HIPK2: variants seen among roughly 807,000 people sequenced by gnomAD.
HIPK2 encodes the protein homeodomain-interacting protein kinase 2.
A neutral mutation model predicts 113.7 loss-of-function variants in HIPK2; 27 were observed. The ratio of observed to expected loss-of-function variants is 0.24; its 90% confidence interval spans 0.17 to 0.33. HIPK2 has a LOEUF of 0.33. Among genes scored for constraint, HIPK2 ranks in the 10% least tolerant of loss-of-function variants. The pLI is 1.00. For synonymous variants in HIPK2, 631 were observed against 642.2 expected (o/e 0.98, Z 0.26); for missense variants, 1,257 against 1,588.0 (o/e 0.79, Z 3.54).
chr7:139,739,189 T>C (rs1250348519), intron 1 of HIPK2, among the ~76,000 whole-genome samples: 3 of 152,192 alleles, frequency 2.0e-5, no homozygotes, highest in Non-Finnish European at 4.4e-5. Flanking sequence ...GCCTCTCTAT[T>C]TGCTGGGACC....
intron 1 of HIPK2, among the ~76,000 whole-genome samples, chr7:139,717,289 G>C (rs1795277375): frequency 6.6e-6 from 1 of 152,146 alleles, no homozygotes; most frequent in Non-Finnish European, 1.5e-5. Flanking sequence ...TCAGGACATA[G>C]GTCACCATTT....
chr7:139,774,980 A>G (rs1483997431), intron 1 of HIPK2, among the ~76,000 whole-genome samples: 1 of 152,246 alleles, frequency 6.6e-6, no homozygotes, highest in Non-Finnish European at 1.5e-5. Context: ...CCTTGTTTCA[A>G]AAACAGCATT....
chr7:139,684,460 TA>T lies in HIPK2; in HGVS notation c.1103+31471del, dbSNP rs1297552409. 3.9e-5 allele frequency among the ~76,000 whole-genome samples: 6 copies of T among 152,214 alleles called. No homozygotes were observed. The East Asian group carries it at 1.2e-3, about 29-fold the overall frequency. On this transcript the variant is annotated intron_variant, in intron 2 of 14. Coordinates refer to ENST00000406875, the MANE Select transcript of HIPK2 (RefSeq NM_022740.5). ...GGCTGGTTGTGGTGGCTCATGCCTG[TA>T]ATCCCAGCACTTTGGGAGGCTAAGG... is the stretch of plus-strand genomic sequence containing the variant.
chr7:139,583,698 TGCAGTCACTGG>T lies in HIPK2; in HGVS notation c.2965+108_2965+118del, dbSNP rs1440821423. 4.2e-6 allele frequency: 6 copies of T among 1,436,894 alleles called. No homozygotes were observed. The Admixed American group carries it at 1.3e-4, about 32-fold the overall frequency. The allele number at this position is 1,436,894 out of a possible 1,614,324, so 89.0% of individuals were successfully genotyped here. Reference sequence around the variant, plus strand: ...AATAAAATCCTCGGTAAGGGTCGCCTGCAGTCACTGGGCACTTTCTATTGTACTAGCTCCCA... The same window carrying T: ...AATAAAATCCTCGGTAAGGGTCGCCTGCACTTTCTATTGTACTAGCTCCCA... On this transcript the variant is annotated intron_variant, in intron 13 of 14. Coordinates refer to ENST00000406875, the MANE Select transcript of HIPK2 (RefSeq NM_022740.5).
rs141155055 is a variant in HIPK2 at position 139,588,120 on chromosome 7, C to A, written c.2718-4056G>T. 4.0e-3 allele frequency among the ~76,000 whole-genome samples: 611 copies of A among 151,970 alleles called. 3 individuals carry two copies. Among genetic ancestry groups the A allele is most frequent in the African/African-American group, 0.014 (575 of 41,412 alleles). ...ATCACTTGAGGTCAGGAGTTCGACA[C>A]CAGCCTGGCCAACATTGCAAAACCC... On this transcript the variant is annotated intron_variant, in intron 12 of 14. Transcript: ENST00000406875.
At chr7:139,672,411 A>C (rs1237403827) in intron 2 of HIPK2, among the ~76,000 whole-genome samples, 1 of 152,252 alleles carries the variant, frequency 6.6e-6, no homozygotes, top group Non-Finnish European at 1.5e-5. Flanking sequence ...TTGTAAAAAA[A>C]ATGGTCAGTT....
intron 1 of HIPK2, among the ~76,000 whole-genome samples, chr7:139,751,586 G>A (rs1053747948): frequency 7.1e-6 from 1 of 141,234 alleles, no homozygotes; most frequent in East Asian, 2.0e-4. Context: ...ATGGTTGGAT[G>A]GATAGATGGA....
intron 9 of HIPK2, among the ~76,000 whole-genome samples, chr7:139,611,642 A>G (rs1458633772): frequency 1.3e-5 from 2 of 152,140 alleles, no homozygotes; most frequent in African/African-American, 4.8e-5. Context: ...CCTGGGCTCA[A>G]GTGATCCTTT....
chr7:139,614,241 C>T lies in HIPK2; in HGVS notation c.1990+45G>A, dbSNP rs376846687. 170 of 1,354,424 alleles carry T rather than the reference C, an allele frequency of 1.3e-4. No homozygotes were observed. In the African/African-American group the frequency reaches 1.4e-3, roughly 11 times the overall value. The allele number at this position is 1,354,424 out of a possible 1,614,324, so 83.9% of individuals were successfully genotyped here. ...CTGCAGGTGCCGGAGCCCCAGAGGC[C>T]GTTCTGTAAGAAGCAGGTGAGAGGC... On this transcript the variant is annotated intron_variant, in intron 8 of 14. Transcript: ENST00000406875.
intron 12 of HIPK2, among the ~76,000 whole-genome samples, chr7:139,589,457 C>A (rs886381389): frequency 3.3e-5 from 5 of 150,756 alleles, no homozygotes; most frequent in Non-Finnish European, 4.4e-5. Flanking sequence ...TTTGGCAAAA[C>A]TGTAATCTGC....
At chr7:139,628,754 A>G (rs1320119212) in intron 5 of HIPK2, among the ~76,000 whole-genome samples, 199 bp downstream of exon 5, 1 of 152,142 alleles carries the variant, frequency 6.6e-6, no homozygotes, top group African/African-American at 2.4e-5. Flanking sequence ...ATTTTAAAGG[A>G]GCTGGTATGA....
chr7:139,629,802 T>C (rs554104505), intron 4 of HIPK2, among the ~76,000 whole-genome samples: 2 of 152,316 alleles, frequency 1.3e-5, no homozygotes, highest in African/African-American at 4.8e-5. Context: ...CAGCTGGACA[T>C]GTGGGACTGA....
In HIPK2 at chr7:139,570,704, T is replaced by G. The variant is rs368326854; in HGVS notation, c.*2223A>C. 2.6e-5 allele frequency: 4 copies of G among 152,462 alleles called. No homozygotes were observed. Among genetic ancestry groups the G allele is most frequent in the South Asian group, 2.1e-4 (1 of 4,816 alleles). The allele number at this position is 152,462 out of a possible 1,614,324, so 9.4% of individuals were successfully genotyped here. On this transcript the variant is annotated 3_prime_UTR_variant, in exon 15 of 15. Coordinates refer to ENST00000406875, the MANE Select transcript of HIPK2 (RefSeq NM_022740.5). ...CAAACACACCTTTCACAGTAGATCCTTGAGGGAGACTGCACAGTGAGGAAG... is the reference window on the plus strand; with the variant it reads ...CAAACACACCTTTCACAGTAGATCCGTGAGGGAGACTGCACAGTGAGGAAG...
At chr7:139,617,125 C>A (rs1246160807) in intron 7 of HIPK2, among the ~76,000 whole-genome samples, 1 of 152,196 alleles carries the variant, frequency 6.6e-6, no homozygotes, top group Non-Finnish European at 1.5e-5. Flanking sequence ...TTCTGTATAT[C>A]CTCCTTTAGC....
chr7:139,645,417 A>G (rs1458539254), intron 2 of HIPK2, among the ~76,000 whole-genome samples: 1 of 152,232 alleles, frequency 6.6e-6, no homozygotes, highest in Non-Finnish European at 1.5e-5. Context: ...AATGTCAAAC[A>G]CAAGTTAGAG....
chr7:139,711,393 A>G (rs1795065037), intron 2 of HIPK2, among the ~76,000 whole-genome samples: 3 of 152,016 alleles, frequency 2.0e-5, no homozygotes, highest in Non-Finnish European at 2.9e-5. Flanking sequence ...GCACCACTGC[A>G]CTCCAGTCTG....
intron 2 of HIPK2, among the ~76,000 whole-genome samples, chr7:139,659,316 T>C (rs1476121016): frequency 6.6e-6 from 1 of 152,214 alleles, no homozygotes; most frequent in African/African-American, 2.4e-5. Flanking sequence ...TTCACAGATA[T>C]GCCATTTCAT....
intron 2 of HIPK2, among the ~76,000 whole-genome samples, chr7:139,697,733 T>G (rs1484830185): frequency 6.6e-6 from 1 of 152,208 alleles, no homozygotes; most frequent in East Asian, 1.9e-4. Flanking sequence ...ACTCATAACG[T>G]TGTACAAACC....
intron 1 of HIPK2, among the ~76,000 whole-genome samples, chr7:139,744,326 C>G (rs1796155407): frequency 6.6e-6 from 1 of 152,232 alleles, no homozygotes; most frequent in Non-Finnish European, 1.5e-5. Flanking sequence ...CAAAAGATCA[C>G]ACATTGTCTG....
Sources: gnomAD v4.1 joint callset for allele counts (sites outside exome capture counted in the v4.1 genomes callset) on GRCh38, gnomAD v4.1.1 for gene constraint, MANE v1.5 for transcripts, NCBI Gene and HGNC (gene_info 2026-07-23, HGNC 2026-07-21) for gene names.